The following DLG2 variants were observed in gnomAD, a reference collection of about 807,000 sequenced individuals.
DLG2 encodes disks large homolog 2.
A neutral mutation model predicts 132.5 loss-of-function variants in DLG2; 45 were observed. The observed-to-expected ratio is 0.34, with a 90% CI of 0.27 to 0.44. The LOEUF (loss-of-function observed/expected upper bound fraction) is 0.44. Ranked by LOEUF, DLG2 falls within the 20% of genes least tolerant of loss-of-function variation. The probability of loss-of-function intolerance (pLI) is 1.00; values close to 1 mark genes in which losing one functional copy is unlikely to be tolerated. For synonymous variants in DLG2, 424 were observed against 419.6 expected (o/e 1.01, Z -0.13); for missense variants, 1,045 against 1,196.9 (o/e 0.87, Z 1.87).
At chr11:83,835,868 T>C (rs1029478074) in intron 16 of DLG2, among the ~76,000 whole-genome samples, 1 of 152,106 alleles carries the variant, frequency 6.6e-6, no homozygotes. Flanking sequence ...ATTGTATTAG[T>C]CAGGGTTCTT....
chr11:83,540,282 C>T (rs2141426752), intron 20 of DLG2, among the ~76,000 whole-genome samples: 1 of 152,248 alleles, frequency 6.6e-6, no homozygotes, highest in South Asian at 2.1e-4. Context: ...ATAAACAAGC[C>T]AGTGCTGAGT....
At chr11:83,496,641 C>A (rs371461070) in intron 21 of DLG2, among the ~76,000 whole-genome samples, 17 of 152,074 alleles carry the variant, frequency 1.1e-4, no homozygotes, top group East Asian at 3.9e-4. Flanking sequence ...ATGCAGGAAA[C>A]AACATGGATG....
At chr11:85,387,394 G>C (rs2086431961) in intron 3 of DLG2, among the ~76,000 whole-genome samples, 1 of 152,132 alleles carries the variant, frequency 6.6e-6, no homozygotes, top group Non-Finnish European at 1.5e-5. Flanking sequence ...ACTAAAGGGA[G>C]TTCTCAATTT....
intron 3 of DLG2, among the ~76,000 whole-genome samples, chr11:85,578,912 T>C (rs1410498760): frequency 6.6e-6 from 1 of 152,086 alleles, no homozygotes; most frequent in Non-Finnish European, 1.5e-5. Context: ...AATAGTTCTA[T>C]TATAAAGACA....
intron 6 of DLG2, among the ~76,000 whole-genome samples, chr11:84,565,840 G>C (rs1431139670): frequency 6.6e-6 from 1 of 151,882 alleles, no homozygotes. Context: ...TATATCTCTA[G>C]TGATTTGATG....
intron 14 of DLG2, among the ~76,000 whole-genome samples, chr11:83,945,062 A>G (rs1228669467): frequency 1.3e-5 from 2 of 152,208 alleles, no homozygotes; most frequent in Non-Finnish European, 2.9e-5. Flanking sequence ...GGTCACAAAT[A>G]CCATCACCTT....
chr11:83,486,553 G>A (rs2093522653), intron 21 of DLG2, among the ~76,000 whole-genome samples: 1 of 152,054 alleles, frequency 6.6e-6, no homozygotes, highest in South Asian at 2.1e-4. Context: ...ATTCTTTTAT[G>A]TTTCAAAGCA....
At chr11:84,202,232 A>G (rs998503627) in intron 8 of DLG2, among the ~76,000 whole-genome samples, 1 of 152,172 alleles carries the variant, frequency 6.6e-6, no homozygotes, top group African/African-American at 2.4e-5. Flanking sequence ...ACAAGCCTGC[A>G]GTAACCAAAA....
chr11:83,672,339 G>A (rs191645717), intron 18 of DLG2, among the ~76,000 whole-genome samples: 6 of 151,784 alleles, frequency 4.0e-5, no homozygotes, highest in Admixed American at 1.3e-4. Context: ...CACCACGCCC[G>A]GCTAATTTTG....
chr11:83,548,273 G>A (rs566950825), intron 19 of DLG2, among the ~76,000 whole-genome samples: 1 of 151,632 alleles, frequency 6.6e-6, no homozygotes, highest in South Asian at 2.1e-4. Flanking sequence ...TGTGATTAAG[G>A]TCAAGGGTCT....
At chr11:84,621,093 C>T (rs992487699) in intron 6 of DLG2, among the ~76,000 whole-genome samples, 1 of 151,994 alleles carries the variant, frequency 6.6e-6, no homozygotes, top group South Asian at 2.1e-4. Context: ...GGTGAAAGCA[C>T]ATAAATAGAA....
chr11:83,961,646 C>T (rs1008176352), intron 14 of DLG2, among the ~76,000 whole-genome samples: 3 of 151,852 alleles, frequency 2.0e-5, no homozygotes, highest in South Asian at 2.1e-4. Flanking sequence ...AATGTTAATT[C>T]GCTATGGGGC....
At chr11:83,680,966 G>T (rs1378832084) in intron 18 of DLG2, among the ~76,000 whole-genome samples, 1 of 152,082 alleles carries the variant, frequency 6.6e-6, no homozygotes, top group Non-Finnish European at 1.5e-5. Context: ...CACATCTACA[G>T]ATTCTACATG....
intron 10 of DLG2, among the ~76,000 whole-genome samples, chr11:84,069,524 A>G (rs1317911858): frequency 6.6e-6 from 1 of 152,178 alleles, no homozygotes; most frequent in Non-Finnish European, 1.5e-5. Context: ...ACCAACTGAT[A>G]GCCTCTTCAT....
intron 4 of DLG2, among the ~76,000 whole-genome samples, chr11:85,186,138 T>C (rs2080078553): frequency 6.6e-6 from 1 of 151,956 alleles, no homozygotes; most frequent in South Asian, 2.1e-4. Flanking sequence ...TGGTATCTCC[T>C]GCACTGTTAA....
chr11:84,512,279 C>T (rs1433065522), intron 7 of DLG2, among the ~76,000 whole-genome samples: 1 of 152,068 alleles, frequency 6.6e-6, no homozygotes, highest in Non-Finnish European at 1.5e-5. Context: ...CAAGTCTCTG[C>T]CTGTCCACAG....
chr11:84,325,834 C>A (rs1357555281), intron 7 of DLG2, among the ~76,000 whole-genome samples: 1 of 152,002 alleles, frequency 6.6e-6, no homozygotes, highest in African/African-American at 2.4e-5. Context: ...ATTAATTATT[C>A]TTTAAGTGTT....
At chr11:85,161,904 C>A (rs1026621557) in intron 4 of DLG2, among the ~76,000 whole-genome samples, 1 of 152,136 alleles carries the variant, frequency 6.6e-6, no homozygotes, top group Non-Finnish European at 1.5e-5. Context: ...TTCACAGGTC[C>A]AGGAATCAAG....
At chr11:84,731,443 T>G (rs1349732401) in intron 6 of DLG2, among the ~76,000 whole-genome samples, 1 of 151,872 alleles carries the variant, frequency 6.6e-6, no homozygotes, top group Non-Finnish European at 1.5e-5. Flanking sequence ...TAGGGGAATC[T>G]CATCTAAAAA....
Sources: gnomAD v4.1 joint callset for allele counts (sites outside exome capture counted in the v4.1 genomes callset) on GRCh38, gnomAD v4.1.1 for gene constraint, MANE v1.5 for transcripts, NCBI Gene and HGNC (gene_info 2026-07-23, HGNC 2026-07-21) for gene names.